EDIL3: variants seen among roughly 807,000 people sequenced by gnomAD.
The protein encoded by EDIL3 is EGF like and discoidin domains 3, also known as EGF-like repeat and discoidin I-like domain-containing protein 3.
EDIL3 carries 37 observed loss-of-function variants against 67.4 expected under a neutral mutation model. The ratio of observed to expected loss-of-function variants is 0.55; its 90% CI spans 0.42 to 0.72. The LOEUF is 0.72. Ranked by LOEUF, EDIL3 falls within the 30% of genes least tolerant of loss-of-function variation. EDIL3 has a pLI of 0.00. For synonymous variants in EDIL3, 195 were observed against 196.3 expected (o/e 0.99, Z 0.05); for missense variants, 527 against 586.3 (o/e 0.90, Z 1.04).
intron 3 of EDIL3, among the ~76,000 whole-genome samples, chr5:84,210,210 C>T (rs571259560): frequency 6.6e-6 from 1 of 152,202 alleles, no homozygotes; most frequent in Admixed American, 6.5e-5. Flanking sequence ...ATTTGTTTTT[C>T]ATTCAAAACA....
chr5:84,006,603 A>T (rs1251815020), intron 9 of EDIL3, among the ~76,000 whole-genome samples: 2 of 152,134 alleles, frequency 1.3e-5, no homozygotes, highest in African/African-American at 4.8e-5. Flanking sequence ...GCAAGGATTT[A>T]AAAAAGTACT....
At chr5:84,241,804 T>G (rs540561777) in intron 2 of EDIL3, among the ~76,000 whole-genome samples, 5 of 152,060 alleles carry the variant, frequency 3.3e-5, no homozygotes, top group Non-Finnish European at 7.4e-5. Flanking sequence ...GTTTGATTTC[T>G]GCATGTAGCT....
intron 7 of EDIL3, among the ~76,000 whole-genome samples, chr5:84,065,440 C>T (rs115817152): frequency 7.0e-4 from 107 of 152,178 alleles, no homozygotes; most frequent in African/African-American, 2.5e-3. Context: ...TTCATTAAGG[C>T]TTATTCTTAT....
rs140623894 is a variant in EDIL3 at position 84,077,637 on chromosome 5, G to A, written c.652-11031C>T. Among the ~76,000 whole-genome samples the A allele has an allele frequency of 2.6e-5, 4 of 152,108 alleles. No homozygotes were observed. The East Asian group carries it at 7.7e-4, about 29-fold the overall frequency. On this transcript the variant is annotated intron_variant, in intron 6 of 10. Transcript: ENST00000296591. ...GCATGAGAACAGCATGGGAAAACCT[G>A]TCCCCATGATTCAATTACCTCCCAC...
chr5:84,215,525 T>A (rs1011014396), intron 3 of EDIL3, among the ~76,000 whole-genome samples: 19 of 152,254 alleles, frequency 1.2e-4, no homozygotes, highest in Admixed American at 2.6e-4. Flanking sequence ...GTGCTGGGAT[T>A]ACAGGCGTGA....
intron 6 of EDIL3, among the ~76,000 whole-genome samples, chr5:84,069,201 G>C (rs2112243881): frequency 6.6e-6 from 1 of 152,152 alleles, no homozygotes; most frequent in Non-Finnish European, 1.5e-5. Flanking sequence ...TCCACTGGGT[G>C]GTAGGAACAC....
chr5:84,086,713 C>T (rs73134301), intron 6 of EDIL3, among the ~76,000 whole-genome samples: 301 of 152,276 alleles, frequency 2.0e-3, no homozygotes, highest in African/African-American at 7.0e-3. Context: ...TTTGCTGACT[C>T]ATATTAGGTA....
intron 9 of EDIL3, among the ~76,000 whole-genome samples, chr5:84,051,890 A>G (rs1034653914): frequency 5.3e-5 from 8 of 152,234 alleles, no homozygotes; most frequent in Non-Finnish European, 1.0e-4. Context: ...AGTCTGCAGG[A>G]TATCATCCAG....
intron 9 of EDIL3, among the ~76,000 whole-genome samples, chr5:83,976,880 A>G (rs567395792): frequency 6.6e-6 from 1 of 151,960 alleles, no homozygotes; most frequent in Non-Finnish European, 1.5e-5. Context: ...CTAAAACTCA[A>G]TATTATATTA....
intron 3 of EDIL3, among the ~76,000 whole-genome samples, chr5:84,195,334 C>G (rs1743684016): frequency 6.6e-6 from 1 of 151,864 alleles, no homozygotes; most frequent in African/African-American, 2.4e-5. Context: ...TACTTAAATA[C>G]AGTAGGTCTG....
At chr5:84,094,213 AAC>A (rs1334437345) in intron 6 of EDIL3, among the ~76,000 whole-genome samples, 1 of 152,202 alleles carries the variant, frequency 6.6e-6, no homozygotes, top group Non-Finnish European at 1.5e-5. Flanking sequence ...TCTGTTTAAA[AAC>A]ACACAACTAT....
At chr5:84,071,811 C>T (rs761562408) in intron 6 of EDIL3, among the ~76,000 whole-genome samples, 3 of 152,108 alleles carry the variant, frequency 2.0e-5, no homozygotes, top group Admixed American at 6.6e-5. Context: ...CTATTCTACA[C>T]CAGCAATTAT....
chr5:84,294,105 C>A (rs952732456), intron 1 of EDIL3, among the ~76,000 whole-genome samples: 3 of 151,290 alleles, frequency 2.0e-5, no homozygotes, highest in Non-Finnish European at 4.4e-5. Context: ...CATCATCGGC[C>A]GGGTGCGGTG....
chr5:83,984,020 T>A (rs1267760295), intron 9 of EDIL3, among the ~76,000 whole-genome samples: 1 of 151,946 alleles, frequency 6.6e-6, no homozygotes, highest in African/African-American at 2.4e-5. Context: ...AAATCTGAAC[T>A]CAGCATTGAC....
At chr5:84,125,692 A>C (rs570872287) in intron 5 of EDIL3, among the ~76,000 whole-genome samples, 1 of 152,146 alleles carries the variant, frequency 6.6e-6, no homozygotes, top group East Asian at 1.9e-4. Context: ...AGTGATCCCC[A>C]TTACTTTATA....
At chr5:84,135,180 G>GACTCATTCATCACTGCAGAGTGAC in intron 5 of EDIL3, among the ~76,000 whole-genome samples, 1 of 152,214 alleles carries the variant, frequency 6.6e-6, no homozygotes, top group Non-Finnish European at 1.5e-5. Flanking sequence ...CCACTTCTTA[G>GACTCATTCATCACTGCAGAGTGAC]ACTCATTCAT....
At chr5:84,121,463 G>A (rs896689911) in intron 5 of EDIL3, among the ~76,000 whole-genome samples, 3 of 151,524 alleles carry the variant, frequency 2.0e-5, no homozygotes, top group South Asian at 2.1e-4. Flanking sequence ...TCTTAATGGC[G>A]TCCCCTTTAT....
chr5:84,108,800 G>T (rs948168499), intron 5 of EDIL3, among the ~76,000 whole-genome samples: 1 of 152,134 alleles, frequency 6.6e-6, no homozygotes, highest in Non-Finnish European at 1.5e-5. Context: ...CAGGCAGGGA[G>T]ATCTTTTATT....
intron 2 of EDIL3, among the ~76,000 whole-genome samples, chr5:84,246,223 A>C (rs1193619111): frequency 6.6e-6 from 1 of 152,256 alleles, no homozygotes; most frequent in Non-Finnish European, 1.5e-5. Flanking sequence ...ATGAAATTGC[A>C]TATATTCCCC....
Sources: allele counts gnomAD v4.1 joint callset (sites outside exome capture counted in the v4.1 genomes callset), GRCh38; gene constraint gnomAD v4.1.1; transcripts MANE v1.5; gene names NCBI Gene and HGNC (gene_info 2026-07-23, HGNC 2026-07-21).